MED12L: variants seen among roughly 807,000 people sequenced by gnomAD.
The protein encoded by MED12L is mediator of RNA polymerase II transcription subunit 12-like protein.
Under a neutral mutation model 281.3 loss-of-function variants are expected in MED12L, and 60 were observed. That is an observed-to-expected ratio of 0.21 (90% CI 0.17 to 0.26). MED12L has a LOEUF of 0.26. Ranked by LOEUF, MED12L falls within the 10% of genes least tolerant of loss-of-function variation. MED12L has a pLI of 1.00. For missense variants in MED12L, 2,146 were observed against 2,680.9 expected, an observed-to-expected ratio of 0.80 and a Z score of 4.41; for synonymous variants, 974 against 987.2, an observed-to-expected ratio of 0.99 and a Z score of 0.25.
chr3:151,324,878 A>G (rs1749406729), intron 16 of MED12L, among the ~76,000 whole-genome samples: 1 of 152,214 alleles, frequency 6.6e-6, no homozygotes, highest in Non-Finnish European at 1.5e-5. Context: ...TAAATTCTGC[A>G]CTTTCCTTAG....
chr3:151,122,939 G>A lies in MED12L; in HGVS notation c.361G>A (p.Ala121Thr), dbSNP rs756414254. The change falls in exon 4 of 45, where the codon GCA (alanine) becomes ACA (threonine). Residue 121 changes from alanine to threonine, a missense_variant. Physicochemically the swap from Ala to Thr is moderately conservative, Grantham distance 58 (BLOSUM62 0). This residue lies in a region of MED12L where 722 missense variants were observed against 861.2 expected (regional missense o/e 0.84). Transcript: ENST00000687756. ...SAIHSWFSDLAGNKPLSILAK... is the reference protein window; with the variant it reads ...SAIHSWFSDLTGNKPLSILAK... ...AATTCATAGTTGGTTTTCTGACTTAGCAGGAAATAAGCCACTTTCTATTTT... is the reference window on the plus strand; with the variant it reads ...AATTCATAGTTGGTTTTCTGACTTAACAGGAAATAAGCCACTTTCTATTTT... 1 of 1,608,634 alleles carries A rather than the reference G, an allele frequency of 6.2e-7. No individual in the cohort carries two copies.
chr3:151,109,082 G>A (rs1711501506), intron 2 of MED12L, among the ~76,000 whole-genome samples: 1 of 151,324 alleles, frequency 6.6e-6, no homozygotes, highest in South Asian at 2.1e-4. Flanking sequence ...TTTTGAGATG[G>A]AGTCTCGCTC....
chr3:151,192,557 GTAT>G lies in MED12L; in HGVS notation c.1980_1982del (p.Ile660del), dbSNP rs1246837205. 6.5e-7 allele frequency: 1 copy of G among 1,533,170 alleles called. No homozygotes were observed. The highest frequency in any genetic ancestry group is 8.7e-7 in the Non-Finnish European group (1 of 1,144,296). The allele number at this position is 1,533,170 out of a possible 1,614,324, so 95.0% of individuals were successfully genotyped here. ...TTCTCTGGCGATTATCAGGAACAGA[GTAT>G]TATGGCGCATATGGGCATTGACTCA... On this transcript the variant is annotated inframe_deletion, in exon 15 of 45. Coordinates refer to ENST00000687756, the MANE Select transcript of MED12L (RefSeq NM_001393769.1).
At chr3:151,167,112 G>A in intron 11 of MED12L, among the ~76,000 whole-genome samples, 1 of 152,128 alleles carries the variant, frequency 6.6e-6, no homozygotes, top group East Asian at 1.9e-4. Context: ...CAACTAGACT[G>A]GTGTTTGACC....
At chr3:151,262,928 C>G (rs60347134) in intron 16 of MED12L, among the ~76,000 whole-genome samples, 1 of 152,218 alleles carries the variant, frequency 6.6e-6, no homozygotes, top group South Asian at 2.1e-4. Flanking sequence ...CCTGAAGACA[C>G]GTAGCTGGTA....
intron 2 of MED12L, among the ~76,000 whole-genome samples, chr3:151,092,122 CCT>C (rs1343454985): frequency 1.3e-5 from 2 of 152,182 alleles, no homozygotes; most frequent in Non-Finnish European, 2.9e-5. Flanking sequence ...CCACAGGCTG[CCT>C]CTCTCTTCTT....
intron 16 of MED12L, among the ~76,000 whole-genome samples, chr3:151,248,363 G>A (rs1409228397): frequency 6.6e-6 from 1 of 152,044 alleles, no homozygotes; most frequent in Non-Finnish European, 1.5e-5. Context: ...CAGCTGCCTT[G>A]CATGAAGTAT....
At chr3:151,305,417 C>G (rs1322876877) in intron 16 of MED12L, among the ~76,000 whole-genome samples, 1 of 152,094 alleles carries the variant, frequency 6.6e-6, no homozygotes, top group African/African-American at 2.4e-5. Context: ...AACCATGTTT[C>G]TTTGTTGTTG....
At chr3:151,421,014 T>C (rs1718184705) in intron 43 of MED12L, among the ~76,000 whole-genome samples, 1 of 152,194 alleles carries the variant, frequency 6.6e-6, no homozygotes, top group Non-Finnish European at 1.5e-5. Flanking sequence ...TGGCATATCG[T>C]GGGCTCAGTG....
intron 16 of MED12L, among the ~76,000 whole-genome samples, chr3:151,286,552 G>A (rs1042418845): frequency 4.6e-5 from 7 of 152,146 alleles, no homozygotes; most frequent in African/African-American, 1.7e-4. Context: ...GCATCCAGGG[G>A]TTCACAGTTT....
chr3:151,129,830 A>G (rs1054390980), intron 5 of MED12L, among the ~76,000 whole-genome samples: 5 of 151,972 alleles, frequency 3.3e-5, no homozygotes, highest in Non-Finnish European at 7.4e-5. Context: ...GTGCAGTGGC[A>G]TGATCATAAC....
At chr3:151,180,404 T>C (rs1044905343) in intron 11 of MED12L, among the ~76,000 whole-genome samples, 1 of 152,246 alleles carries the variant, frequency 6.6e-6, no homozygotes, top group African/African-American at 2.4e-5. Context: ...ACTTTATGAT[T>C]ACTTGTCTTT....
At chr3:151,243,430 C>G (rs565105759) in intron 16 of MED12L, among the ~76,000 whole-genome samples, 2 of 151,886 alleles carry the variant, frequency 1.3e-5, no homozygotes, top group African/African-American at 4.8e-5. Context: ...GGCAGAAACC[C>G]TACAAGCCAG....
chr3:151,412,996 C>G (rs1201489919), intron 41 of MED12L, 143 bp from the exon 42 acceptor site: 2 of 873,850 alleles, frequency 2.3e-6, no homozygotes, highest in Admixed American at 3.2e-5. Flanking sequence ...ATTTTAACCA[C>G]TGGGCTTTAG....
intron 36 of MED12L, among the ~76,000 whole-genome samples, chr3:151,386,697 T>C (rs1012267546): frequency 6.6e-6 from 1 of 150,534 alleles, no homozygotes; most frequent in African/African-American, 2.4e-5. Context: ...TGCCTCAGCC[T>C]CCTGAGTAGC....
intron 12 of MED12L, among the ~76,000 whole-genome samples, chr3:151,186,920 T>C (rs146023316): frequency 2.6e-5 from 4 of 152,334 alleles, no homozygotes; most frequent in African/African-American, 9.6e-5. Context: ...TAGTAGATGC[T>C]CAGGAGGTAT....
intron 16 of MED12L, among the ~76,000 whole-genome samples, chr3:151,234,263 C>T (rs1438746379): frequency 6.6e-6 from 1 of 152,214 alleles, no homozygotes; most frequent in Admixed American, 6.5e-5. Flanking sequence ...GAATTAACTA[C>T]AGTTAGTAAC....
chr3:151,278,927 A>G (rs1742352688), intron 16 of MED12L, among the ~76,000 whole-genome samples: 1 of 152,210 alleles, frequency 6.6e-6, no homozygotes, highest in Non-Finnish European at 1.5e-5. Flanking sequence ...TTACTGATAA[A>G]TAGATCACAA....
chr3:151,346,914 G>A (rs1185735304), intron 16 of MED12L, among the ~76,000 whole-genome samples: 1 of 151,960 alleles, frequency 6.6e-6, no homozygotes, highest in African/African-American at 2.4e-5. Context: ...CTGTTATAAT[G>A]TATTAATTTT....
Sources: gnomAD v4.1 joint callset for allele counts (sites outside exome capture counted in the v4.1 genomes callset) on GRCh38, gnomAD v4.1.1 for gene constraint, gnomAD v4.1.1 regional missense constraint, MANE v1.5 for transcripts, NCBI Gene and HGNC (gene_info 2026-07-23, HGNC 2026-07-21) for gene names.